The following SLC9C1 variants were observed in gnomAD, a reference collection of about 807,000 sequenced individuals.
SLC9C1 encodes the protein sodium/hydrogen exchanger 10.
SLC9C1 carries 97 observed loss-of-function variants against 140.9 expected under a neutral mutation model. The observed-to-expected ratio is 0.69, with a 90% CI of 0.58 to 0.82. The LOEUF is 0.82. Ranked by LOEUF, SLC9C1 falls within the 40% of genes least tolerant of loss-of-function variation. SLC9C1 has a pLI of 0.00. For synonymous variants in SLC9C1, 440 were observed against 442.6 expected (o/e 0.99, Z 0.07); for missense variants, 1,340 against 1,389.3 (o/e 0.96, Z 0.56).
At chr3:112,199,997 T>G (rs1251112195) in intron 19 of SLC9C1, among the ~76,000 whole-genome samples, 1 of 151,994 alleles carries the variant, frequency 6.6e-6, no homozygotes, top group Admixed American at 6.6e-5. Flanking sequence ...CATCTTAGAG[T>G]CTACATTTGG....
chr3:112,216,841 C>T (rs1308986673), intron 15 of SLC9C1, among the ~76,000 whole-genome samples: 1 of 152,110 alleles, frequency 6.6e-6, no homozygotes, highest in Non-Finnish European at 1.5e-5. Flanking sequence ...TTGACCCAGC[C>T]ATCCCATTAC....
intron 13 of SLC9C1, among the ~76,000 whole-genome samples, chr3:112,227,600 A>G (rs1266432231): frequency 6.6e-6 from 1 of 152,148 alleles, no homozygotes; most frequent in African/African-American, 2.4e-5. Flanking sequence ...CAATAAAACC[A>G]TATATGACAA....
intron 12 of SLC9C1, among the ~76,000 whole-genome samples, chr3:112,233,843 G>C (rs1309556031): frequency 6.6e-6 from 1 of 152,070 alleles, no homozygotes; most frequent in Non-Finnish European, 1.5e-5. Context: ...GTATTCCATG[G>C]TGTATATGTG....
At chr3:112,266,365 A>G in intron 7 of SLC9C1, 25 bp from the exon 8 acceptor site, 1 of 1,521,416 alleles carries the variant, frequency 6.6e-7, no homozygotes, top group Non-Finnish European at 9.0e-7. Flanking sequence ...AAATAAATAT[A>G]AAGTATTAAT....
At chr3:112,190,956 CACACACACAT>C (rs1218750195) in intron 20 of SLC9C1, among the ~76,000 whole-genome samples, 73 of 146,564 alleles carry the variant, frequency 5.0e-4, no homozygotes, top group African/African-American at 8.5e-4. Context: ...CACACACACA[CACACACACAT>C]ATATATATAT....
chr3:112,223,788 T>C (rs1227776169), intron 13 of SLC9C1, among the ~76,000 whole-genome samples: 1 of 152,194 alleles, frequency 6.6e-6, no homozygotes, highest in Non-Finnish European at 1.5e-5. Flanking sequence ...TTTGAGCACC[T>C]ACTATGTACT....
intron 13 of SLC9C1, among the ~76,000 whole-genome samples, chr3:112,226,770 C>T (rs1452295846): frequency 6.6e-6 from 1 of 151,620 alleles, no homozygotes; most frequent in Non-Finnish European, 1.5e-5. Flanking sequence ...TAATTATGCA[C>T]CTTAAGGAAC....
At chr3:112,269,679 T>A (rs2080018194) in intron 7 of SLC9C1, among the ~76,000 whole-genome samples, 1 of 152,192 alleles carries the variant, frequency 6.6e-6, no homozygotes, top group African/African-American at 2.4e-5. Flanking sequence ...CTTTCTGTAA[T>A]GATAGTTTTG....
Position 112,204,386 on chromosome 3 carries a change from C to T in SLC9C1, c.2004G>A (p.Lys668=). 1 of 1,569,034 alleles carries T rather than the reference C, an allele frequency of 6.4e-7. No individual in the cohort carries two copies. Among genetic ancestry groups the T allele is most frequent in the Non-Finnish European group, 8.6e-7 (1 of 1,164,950 alleles). The change falls in exon 17 of 29, where the codon AAG becomes AAA. Residue 668 remains lysine, a synonymous_variant. Coordinates refer to ENST00000305815, the MANE Select transcript of SLC9C1 (RefSeq NM_183061.3). ...EALLKIAAMR[K]DFFSHAWNIF... Reference sequence around the variant, plus strand: ...TGTTCCAGGCATGTGAAAAAAAGTCCTTCCTCATTGCTGCTATCTGTTGAT... The same window carrying T: ...TGTTCCAGGCATGTGAAAAAAAGTCTTTCCTCATTGCTGCTATCTGTTGAT...
At chr3:112,241,247 T>A (rs1294550295) in intron 11 of SLC9C1, among the ~76,000 whole-genome samples, 1 of 152,202 alleles carries the variant, frequency 6.6e-6, no homozygotes, top group Non-Finnish European at 1.5e-5. Context: ...TATGATGTGC[T>A]TATTTCACTT....
At chr3:112,249,477 G>A (rs1361106304) in intron 10 of SLC9C1, among the ~76,000 whole-genome samples, 1 of 152,062 alleles carries the variant, frequency 6.6e-6, no homozygotes, top group African/African-American at 2.4e-5. Context: ...GCCTCATAGT[G>A]TAAGTTAGAG....
At chr3:112,181,650 A>T (rs1423101271) in intron 21 of SLC9C1, among the ~76,000 whole-genome samples, 1 of 152,204 alleles carries the variant, frequency 6.6e-6, no homozygotes, top group African/African-American at 2.4e-5. Flanking sequence ...ATTGGATACA[A>T]TGGCAGCAAT....
chr3:112,271,335 T>TA (rs1559738838), intron 6 of SLC9C1, among the ~76,000 whole-genome samples: 6 of 149,290 alleles, frequency 4.0e-5, no homozygotes, highest in Non-Finnish European at 8.9e-5. Context: ...TCTCTCATCA[T>TA]AAAAAATTAT....
At chr3:112,147,685 C>G (rs537381286) in intron 28 of SLC9C1, among the ~76,000 whole-genome samples, 1 of 152,100 alleles carries the variant, frequency 6.6e-6, no homozygotes, top group Non-Finnish European at 1.5e-5. Context: ...TGTATGTTAT[C>G]TACCCTATTT....
At chr3:112,284,116 G>A (rs2080436742) in intron 2 of SLC9C1, among the ~76,000 whole-genome samples, 1 of 152,242 alleles carries the variant, frequency 6.6e-6, no homozygotes, top group African/African-American at 2.4e-5. Flanking sequence ...GATTAGATTT[G>A]AAAGTGGTGA....
chr3:112,144,069 T>G (rs1426859161), intron 28 of SLC9C1, among the ~76,000 whole-genome samples: 1 of 152,130 alleles, frequency 6.6e-6, no homozygotes, highest in Non-Finnish European at 1.5e-5. Context: ...AGTGTGGGGC[T>G]TTAGTTATAG....
At chr3:112,211,568 CT>C (rs1461383125) in intron 15 of SLC9C1, among the ~76,000 whole-genome samples, 1 of 152,254 alleles carries the variant, frequency 6.6e-6, no homozygotes, top group Non-Finnish European at 1.5e-5. Flanking sequence ...TATCCCGCAC[CT>C]GGCTCGGAGG....
At chr3:112,229,651 A>G (rs1158110006) in intron 13 of SLC9C1, among the ~76,000 whole-genome samples, 1 of 151,990 alleles carries the variant, frequency 6.6e-6, no homozygotes, top group Non-Finnish European at 1.5e-5. Flanking sequence ...GTGTGTATAA[A>G]GAATTAGTGG....
At chr3:112,177,526 A>G (rs1413086860) in intron 23 of SLC9C1, among the ~76,000 whole-genome samples, 1 of 150,076 alleles carries the variant, frequency 6.7e-6, no homozygotes, top group Non-Finnish European at 1.5e-5. Flanking sequence ...TCAGCTTAGC[A>G]GGATCGCCAT....
Sources: gnomAD v4.1 joint callset for allele counts (sites outside exome capture counted in the v4.1 genomes callset) on GRCh38, gnomAD v4.1.1 for gene constraint, MANE v1.5 for transcripts, NCBI Gene and HGNC (gene_info 2026-07-23, HGNC 2026-07-21) for gene names.